SEC31B: variants seen among roughly 807,000 people sequenced by gnomAD.
The protein encoded by SEC31B is protein transport protein Sec31B.
A neutral mutation model predicts 135.0 loss-of-function variants in SEC31B; 113 were observed. The observed-to-expected ratio is 0.84, with a 90% CI of 0.72 to 0.98. The LOEUF (loss-of-function observed/expected upper bound fraction) is 0.98. Among genes scored for constraint, SEC31B ranks in the 50% least tolerant of loss-of-function variants. The pLI, the probability that SEC31B is intolerant of heterozygous loss-of-function variation, is 0.00. For missense variants in SEC31B, 1,296 were observed against 1,421.1 expected (o/e 0.91, Z 1.42); for synonymous variants, 508 against 549.4 (o/e 0.92, Z 1.05).
In SEC31B at chr10:100,516,141, G is replaced by T. The variant is rs200247465; in HGVS notation, c.158C>A (p.Pro53His). Residue 53 changes from proline to histidine, a missense_variant, in exon 3 of 26, where the codon CCT becomes CAT. Transcript: ENST00000370345. ...LEIFEVDFRD[P>H]SLDLKHRGVL... ...TCCTCTGTGTTTCAAGTCCAGAGAA[G>T]GGTCCCTGAAATCAACCTCAAATAT... is the stretch of plus-strand genomic sequence containing the variant. 6.2e-7 allele frequency: 1 copy of T among 1,613,888 alleles called. No homozygotes were observed. Among genetic ancestry groups the T allele is most frequent in the African/African-American group, 1.3e-5 (1 of 74,890 alleles).
In SEC31B at chr10:100,516,959, T is replaced by C. The variant is rs1222789784; in HGVS notation, c.-7A>G. On this transcript the variant is annotated 5_prime_UTR_variant, in exon 2 of 26. Transcript: ENST00000370345. Reference sequence around the variant, plus strand: ...CAAGTTCCTTCAGCTTCATGGTCTATCCTGTAGGTGGCAGAAAACTGACAT... The same window carrying C: ...CAAGTTCCTTCAGCTTCATGGTCTACCCTGTAGGTGGCAGAAAACTGACAT... 3 of 1,613,240 alleles carry C rather than the reference T, an allele frequency of 1.9e-6. No homozygotes were observed. The highest frequency in any genetic ancestry group is 2.2e-5 in the South Asian group (2 of 91,046).
chr10:100,502,818 C>T (rs534628058), intron 10 of SEC31B, among the ~76,000 whole-genome samples: 210 of 152,300 alleles, frequency 1.4e-3, no homozygotes, highest in Non-Finnish European at 2.4e-3. Context: ...AGCCAAGCAA[C>T]GACAAAGTCC....
Position 100,489,311 on chromosome 10 carries a change from G to T in SEC31B, c.3112C>A (p.Pro1038Thr), listed in dbSNP as rs762861563. The T allele has an allele frequency of 2.5e-6, 4 of 1,613,676 alleles. No individual in the cohort carries two copies. The highest frequency in any genetic ancestry group is 3.3e-5 in the Admixed American group (2 of 59,918). The change falls in exon 23 of 26, where the codon CCC (proline) becomes ACC (threonine). Residue 1038 changes from proline (P) to threonine (T), a missense_variant. By Grantham distance (38) the Pro-to-Thr change is conservative. Coordinates refer to ENST00000370345, the MANE Select transcript of SEC31B (RefSeq NM_015490.4). ...GCATGACTCACACTGGAGACAGGGG[G>T]CTGTGAGGGAAGAATCCCTTGTAGC... The part of the protein sequence containing the change: ...PELQGILPSQ[P>T]PVSSVSHAPP...
chr10:100,488,188 G>A (rs557377713), intron 24 of SEC31B, 90 bp from the exon 25 acceptor site: 3 of 1,197,116 alleles, frequency 2.5e-6, no homozygotes, highest in African/African-American at 3.0e-5. Context: ...GGCCGGGCAT[G>A]GTGGCTCACG....
In SEC31B at chr10:100,505,498, G is replaced by C. The variant is rs1851612892; in HGVS notation, c.1045-3C>G. ...CCTTTGCTGAAGGAAGAGGAGATCT[G>C]GGGGGAAAAGACACCTGCATCGCCA... On this transcript the variant is annotated splice_polypyrimidine_tract_variant and splice_region_variant and intron_variant, in intron 9 of 25. Coordinates refer to ENST00000370345, the MANE Select transcript of SEC31B (RefSeq NM_015490.4). 1.3e-6 allele frequency: 2 copies of C among 1,520,072 alleles called. No homozygotes were observed. The highest frequency in any genetic ancestry group is 1.8e-6 in the Non-Finnish European group (2 of 1,139,962). The allele number at this position is 1,520,072 out of a possible 1,614,324, so 94.2% of individuals were successfully genotyped here.
At chr10:100,488,749 G>T in intron 24 of SEC31B, 109 bp downstream of exon 24, 2 of 1,387,076 alleles carry the variant, frequency 1.4e-6, no homozygotes, top group Non-Finnish European at 1.9e-6. Flanking sequence ...GAGACAGCAT[G>T]TCCAGGGGCA....
chr10:100,491,379 C>T (rs1326812444), intron 19 of SEC31B, among the ~76,000 whole-genome samples: 2 of 152,184 alleles, frequency 1.3e-5, no homozygotes, highest in Non-Finnish European at 2.9e-5. Flanking sequence ...ATAGAAGGAA[C>T]ACTTCCTAAC....
rs183799837 is a variant in SEC31B at position 100,494,896 on chromosome 10, G to A, written c.2472+489C>T. The A allele has an allele frequency of 1.9e-3, 319 of 170,206 alleles. 2 individuals are homozygous for A. The highest frequency in any genetic ancestry group is 3.1e-3 in the Non-Finnish European group (246 of 80,580). The allele number at this position is 170,206 out of a possible 1,614,324, so 10.5% of individuals were successfully genotyped here. A position where few individuals can be genotyped will look rare whatever the true frequency, so the allele number is the denominator to read the frequency against. On this transcript the variant is annotated intron_variant, in intron 19 of 25. Transcript: ENST00000370345. ...GCTGGAGTGCAGTGGTATGATCTGG[G>A]CTCACTTCAACCTCCACCTCCCAGG...
intron 2 of SEC31B, 115 bp downstream of exon 2, chr10:100,516,759 C>G: frequency 1.2e-6 from 1 of 809,488 alleles, no homozygotes; most frequent in Non-Finnish European, 2.0e-6. Context: ...TGTGAGCCAC[C>G]CTATCTTTCT....
chr10:100,505,525 C>A (rs752613342), intron 9 of SEC31B, 30 bp from the exon 10 acceptor site: 14 of 1,504,436 alleles, frequency 9.3e-6, no homozygotes, highest in Middle Eastern at 1.9e-4. Context: ...GCATCGCCAT[C>A]CTAAAGTGGC....
chr10:100,488,240 A>G (rs1330524238), intron 24 of SEC31B, 142 bp from the exon 25 acceptor site: 7 of 685,100 alleles, frequency 1.0e-5, no homozygotes, highest in South Asian at 6.5e-5. Context: ...CGGGTGGATC[A>G]TGAGGTCAGG....
At chr10:100,505,549 A>C in intron 9 of SEC31B, 54 bp from the exon 10 acceptor site, 3 of 1,501,926 alleles carry the variant, frequency 2.0e-6, no homozygotes, top group Non-Finnish European at 2.7e-6. Flanking sequence ...TTAGTCAGGA[A>C]CTCCACCTAC....
intron 10 of SEC31B, among the ~76,000 whole-genome samples, chr10:100,503,736 G>A (rs1219597824): frequency 2.1e-5 from 3 of 145,316 alleles, no homozygotes; most frequent in African/African-American, 5.1e-5. Context: ...GCGCCTGGCC[G>A]ACAACTTTTT....
chr10:100,498,347 C>T (rs1851453575), intron 14 of SEC31B, 140 bp from the exon 15 acceptor site: 2 of 842,368 alleles, frequency 2.4e-6, no homozygotes, highest in Non-Finnish European at 3.6e-6. Flanking sequence ...AGTTTCACTC[C>T]TTGGCAATAA....
At chr10:100,498,261 G>A in intron 14 of SEC31B, 54 bp from the exon 15 acceptor site, 1 of 1,572,858 alleles carries the variant, frequency 6.4e-7, no homozygotes, top group Non-Finnish European at 8.7e-7. Context: ...CCAACTTCCT[G>A]CCCCCTGCAG....
At chr10:100,507,843 C>A in intron 6 of SEC31B, 65 bp downstream of exon 6, 1 of 1,601,542 alleles carries the variant, frequency 6.2e-7, no homozygotes, top group Non-Finnish European at 8.6e-7. Context: ...GGCAGAGCAG[C>A]TCTAACTGCT....
intron 8 of SEC31B, 43 bp from the exon 9 acceptor site, chr10:100,506,244 C>A: frequency 6.2e-7 from 1 of 1,614,024 alleles, no homozygotes; most frequent in South Asian, 1.1e-5. Flanking sequence ...CCATGAAACC[C>A]AAAACACATG....
chr10:100,496,494 C>A lies in SEC31B; in HGVS notation c.2137-63G>T, dbSNP rs1006487588. Reference sequence around the variant, plus strand: ...AGGCATATCCTGCTCTCTAAGTCCACGCAGCTCATTCAGGGATCTCCCACT... The same window carrying A: ...AGGCATATCCTGCTCTCTAAGTCCAAGCAGCTCATTCAGGGATCTCCCACT... On this transcript the variant is annotated intron_variant, in intron 17 of 25. Transcript: ENST00000370345. 2.6e-6 allele frequency: 4 copies of A among 1,558,314 alleles called. No individual in the cohort carries two copies. The East Asian group carries it at 9.0e-5, about 35-fold the overall frequency.
Position 100,506,325 on chromosome 10 carries a change from C to A in SEC31B, c.878G>T (p.Ser293Ile), listed in dbSNP as rs755439661. 16 of 1,614,198 alleles carry A rather than the reference C, an allele frequency of 9.9e-6. No individual in the cohort carries two copies. Among genetic ancestry groups the A allele is most frequent in the East Asian group, 2.2e-5 (1 of 44,876 alleles). Residue 293 changes from serine to isoleucine, a missense_variant, in exon 8 of 26, where the codon AGT becomes ATT. By Grantham distance (142) the Ser-to-Ile change is moderately radical. Coordinates refer to ENST00000370345, the MANE Select transcript of SEC31B (RefSeq NM_015490.4). ...CCCACAGAAGGGCCAGCCTACCTCA[C>A]TGCTCCCCAGGTTCCGGCACAAGAT... ...SQILCRNLGSSEVVYKLPTQS... is the reference protein window; with the variant it reads ...SQILCRNLGSIEVVYKLPTQS...
Sources: allele counts gnomAD v4.1 joint callset (sites outside exome capture counted in the v4.1 genomes callset), GRCh38; gene constraint gnomAD v4.1.1; transcripts MANE v1.5; gene names NCBI Gene and HGNC (gene_info 2026-07-23, HGNC 2026-07-21).